Variants in NTPCR observed in about 807,000 individuals in gnomAD.
NTPCR encodes the protein nucleoside-triphosphatase, cancer-related.
A neutral mutation model predicts 19.5 loss-of-function variants in NTPCR; 15 were observed. The observed-to-expected ratio is 0.77, with a 90% CI of 0.51 to 1.18. NTPCR has a LOEUF of 1.18. Among genes scored for constraint, NTPCR ranks in the 50% most tolerant of loss-of-function variants. NTPCR has a pLI of 0.00. For missense variants in NTPCR, 206 were observed against 240.4 expected (o/e 0.86, Z 0.95); for synonymous variants, 90 against 95.8 (o/e 0.94, Z 0.36).
chr1:232,953,837 A>G (rs968678626), intron 1 of NTPCR, among the ~76,000 whole-genome samples: 2 of 152,194 alleles, frequency 1.3e-5, no homozygotes, highest in Non-Finnish European at 2.9e-5. Flanking sequence ...ATGCTAATAA[A>G]TACATATAAG....
At chr1:232,955,836 G>A in intron 2 of NTPCR, 117 bp downstream of exon 2, 1 of 970,106 alleles carries the variant, frequency 1.0e-6, no homozygotes, top group Non-Finnish European at 1.6e-6. Flanking sequence ...TTGGGTCCTT[G>A]GATGCCCATC....
chr1:232,971,227 C>T (rs996323293), intron 4 of NTPCR, among the ~76,000 whole-genome samples: 4 of 152,214 alleles, frequency 2.6e-5, no homozygotes, highest in Admixed American at 6.5e-5. Flanking sequence ...GCTCTGCTCA[C>T]ACACCTCACT....
chr1:232,974,596 T>G (rs142008215), intron 4 of NTPCR, among the ~76,000 whole-genome samples: 7 of 152,210 alleles, frequency 4.6e-5, no homozygotes, highest in Non-Finnish European at 1.0e-4. Context: ...ACTGATACAA[T>G]CTTTGGCACC....
chr1:232,956,900 C>T (rs888073996), intron 3 of NTPCR, among the ~76,000 whole-genome samples: 6 of 152,184 alleles, frequency 3.9e-5, no homozygotes, highest in East Asian at 1.9e-4. Context: ...TGACATCTTA[C>T]GGCTTCTTTC....
rs555548647 is a variant in NTPCR, at chr1:232,981,874, C to G, written c.*3643C>G. ...CTGGGATTACAGGCACCCGCCACCA[C>G]GCCCAGCTAATTTTTTGTATTTTTA... On this transcript the variant is annotated 3_prime_UTR_variant, in exon 5 of 5. Transcript: ENST00000366628. 5.9e-5 allele frequency: 9 copies of G among 151,966 alleles called. No individual in the cohort carries two copies. The highest frequency in any genetic ancestry group is 1.2e-4 in the Non-Finnish European group (8 of 68,018). The allele number at this position is 151,966 out of a possible 1,614,324, so 9.4% of individuals were successfully genotyped here.
rs576939844 is a variant in NTPCR, at chr1:232,980,238, G to A, written c.*2007G>A. 6.6e-6 allele frequency: 1 copy of A among 152,262 alleles called. No individual in the cohort carries two copies. The highest frequency in any genetic ancestry group is 2.1e-4 in the South Asian group (1 of 4,826). 9.4% of individuals were successfully genotyped at this position (152,262 alleles called of 1,614,324 possible). ...TGAAAGTATGCACTTGTGTGGAACAGATTCAGGGTGGCCCCTAGCACTTGG... is the reference window on the plus strand; with the variant it reads ...TGAAAGTATGCACTTGTGTGGAACAAATTCAGGGTGGCCCCTAGCACTTGG... On this transcript the variant is annotated 3_prime_UTR_variant, in exon 5 of 5. Transcript: ENST00000366628.
At chr1:232,950,912 G>A in intron 1 of NTPCR, 168 bp downstream of exon 1, 1 of 572,846 alleles carries the variant, frequency 1.7e-6, no homozygotes, top group Non-Finnish European at 3.1e-6. Flanking sequence ...ACTCCTTCCC[G>A]GAAAACGTGA....
chr1:232,952,110 T>C (rs967086226), intron 1 of NTPCR, among the ~76,000 whole-genome samples: 1 of 152,258 alleles, frequency 6.6e-6, no homozygotes, highest in African/African-American at 2.4e-5. Context: ...CTCTTCTTAA[T>C]GTAGTTACAG....
At chr1:232,954,009 T>C (rs1229727371) in intron 1 of NTPCR, among the ~76,000 whole-genome samples, 1 of 152,218 alleles carries the variant, frequency 6.6e-6, no homozygotes, top group Non-Finnish European at 1.5e-5. Context: ...CACACATTTG[T>C]ATTGTTGATG....
chr1:232,981,715 CTTTTTTTTTTT>C lies in NTPCR; in HGVS notation c.*3494_*3504del, dbSNP rs199705051. ...CATTTTGATCTGTGTCCAAATAACT[CTTTTTTTTTTT>C]TTTTTTTTTGAGACAGAGTCTCACT... is the stretch of plus-strand genomic sequence containing the variant. On this transcript the variant is annotated 3_prime_UTR_variant, in exon 5 of 5. Transcript: ENST00000366628. 1 of 122,754 alleles carries C rather than the reference CTTTTTTTTTTT, an allele frequency of 8.1e-6. No individual in the cohort carries two copies. Among genetic ancestry groups the C allele is most frequent in the Non-Finnish European group, 1.7e-5 (1 of 59,402 alleles). 7.6% of individuals were successfully genotyped at this position (122,754 alleles called of 1,614,324 possible).
rs1668330138 is a variant in NTPCR, at chr1:232,950,622, G to A, written c.-89G>A. ...CTGCGACACGCGGTGGGCGGGTCCT[G>A]AGTCGCGACCCTGGTCCGGACCTGA... On this transcript the variant is annotated 5_prime_UTR_variant, in exon 1 of 5. Coordinates refer to ENST00000366628, the MANE Select transcript of NTPCR (RefSeq NM_032324.3). The A allele has an allele frequency of 7.3e-6, 8 of 1,088,546 alleles. No homozygotes were observed. Among genetic ancestry groups the A allele is most frequent in the Non-Finnish European group, 1.4e-6 (1 of 716,326 alleles). 67.4% of individuals were successfully genotyped at this position (1,088,546 alleles called of 1,614,324 possible). A position where few individuals can be genotyped will look rare whatever the true frequency, so the allele number is the denominator to read the frequency against.
At chr1:232,957,104 T>G (rs1180601396) in intron 3 of NTPCR, among the ~76,000 whole-genome samples, 3 of 152,210 alleles carry the variant, frequency 2.0e-5, no homozygotes, top group Non-Finnish European at 2.9e-5. Flanking sequence ...TACTCAGGCG[T>G]ATTTTGTTGA....
At chr1:232,958,255 G>A (rs530609050) in intron 3 of NTPCR, among the ~76,000 whole-genome samples, 4 of 152,184 alleles carry the variant, frequency 2.6e-5, no homozygotes, top group African/African-American at 9.7e-5. Context: ...GGCCTAGAAG[G>A]CCCTGTAGCC....
chr1:232,954,266 C>T, intron 1 of NTPCR, among the ~76,000 whole-genome samples: 1 of 152,192 alleles, frequency 6.6e-6, no homozygotes, highest in East Asian at 1.9e-4. Flanking sequence ...TAGCCAGAAT[C>T]CTGTTGTGTT....
chr1:232,964,412 A>T (rs1011912153), intron 3 of NTPCR: 1 of 152,038 alleles, frequency 6.6e-6, no homozygotes. Flanking sequence ...TATAGTTACT[A>T]TTTTTTTCTT....
At chr1:232,970,313 T>TG (rs983502939) in intron 4 of NTPCR, among the ~76,000 whole-genome samples, 195 bp downstream of exon 4, 3 of 152,240 alleles carry the variant, frequency 2.0e-5, no homozygotes, top group South Asian at 2.1e-4. Context: ...AACTCGCTTA[T>TG]GGGGGGGCCT....
At chr1:232,959,377 A>G (rs1453336083) in intron 3 of NTPCR, among the ~76,000 whole-genome samples, 1 of 152,154 alleles carries the variant, frequency 6.6e-6, no homozygotes, top group Admixed American at 6.5e-5. Context: ...CTGTGAGTCA[A>G]TTACACCTCT....
At position 232,969,920 on chromosome 1, in the gene NTPCR, C is replaced by T; in HGVS notation, c.306C>T (p.Ser102=). 2 of 1,613,964 alleles carry T rather than the reference C, an allele frequency of 1.2e-6. No individual in the cohort carries two copies. Among genetic ancestry groups the T allele is most frequent in the Non-Finnish European group, 1.7e-6 (2 of 1,179,878 alleles). ...ALPVLRNADC[S]SGPGQRVCVI... is the part of the protein sequence containing the mutation. The stretch of plus-strand genomic sequence containing the variant: ...TTTGTCATTCTCAGGCCGACTGCAG[C>T]AGTGGCCCAGGGCAAAGAGTGTGCG... The change falls in exon 4 of 5, where the codon AGC becomes AGT. Residue 102 remains serine, a synonymous_variant. Coordinates refer to ENST00000366628, the MANE Select transcript of NTPCR (RefSeq NM_032324.3).
chr1:232,950,620 C>G lies in NTPCR; in HGVS notation c.-91C>G. 1 of 1,063,378 alleles carries G rather than the reference C, an allele frequency of 9.4e-7. No homozygotes were observed. The highest frequency in any genetic ancestry group is 1.8e-5 in the Admixed American group (1 of 54,906). 65.9% of individuals were successfully genotyped at this position (1,063,378 alleles called of 1,614,324 possible). A position where few individuals can be genotyped will look rare whatever the true frequency, so the allele number is the denominator to read the frequency against. On this transcript the variant is annotated 5_prime_UTR_variant, in exon 1 of 5. Transcript: ENST00000366628. ...GCCTGCGACACGCGGTGGGCGGGTCCTGAGTCGCGACCCTGGTCCGGACCT... is the reference window on the plus strand; with the variant it reads ...GCCTGCGACACGCGGTGGGCGGGTCGTGAGTCGCGACCCTGGTCCGGACCT...
Sources: allele counts gnomAD v4.1 joint callset (sites outside exome capture counted in the v4.1 genomes callset), GRCh38; gene constraint gnomAD v4.1.1; transcripts MANE v1.5; gene names NCBI Gene and HGNC (gene_info 2026-07-23, HGNC 2026-07-21).